ATRNL1: variants seen among roughly 807,000 people sequenced by gnomAD.
ATRNL1 encodes attractin like 1.
ATRNL1 carries 95 observed loss-of-function variants against 182.7 expected under a neutral mutation model. The ratio of observed to expected loss-of-function variants is 0.52; its 90% CI spans 0.44 to 0.62. ATRNL1 has a LOEUF of 0.62. ATRNL1 is among the 20% of genes least tolerant of loss of function. The probability of loss-of-function intolerance (pLI) is 0.00; values close to 1 mark genes in which losing one functional copy is unlikely to be tolerated. For missense variants in ATRNL1, 1,471 were observed against 1,679.5 expected (o/e 0.88, Z 2.17); for synonymous variants, 576 against 568.3 (o/e 1.01, Z -0.19).
At chr10:115,120,572 A>G (rs1844684250) in intron 2 of ATRNL1, among the ~76,000 whole-genome samples, 1 of 152,058 alleles carries the variant, frequency 6.6e-6, no homozygotes, top group Admixed American at 6.6e-5. Flanking sequence ...AGAAATTATA[A>G]AAGTATTTCT....
chr10:115,931,971 T>G (rs1953409997), intron 28 of ATRNL1, among the ~76,000 whole-genome samples: 1 of 152,134 alleles, frequency 6.6e-6, no homozygotes, highest in African/African-American at 2.4e-5. Flanking sequence ...ATCAGAAAAT[T>G]CCAGATCACT....
At chr10:115,918,143 C>A (rs1952931649) in intron 28 of ATRNL1, among the ~76,000 whole-genome samples, 1 of 2,498 alleles carries the variant, frequency 4.0e-4, no homozygotes, top group Non-Finnish European at 8.4e-4. Flanking sequence ...GCTCTGTAGC[C>A]CAGGCTGGAG....
intron 27 of ATRNL1, among the ~76,000 whole-genome samples, chr10:115,841,378 C>T (rs1555097092): frequency 6.6e-6 from 1 of 151,932 alleles, no homozygotes; most frequent in Non-Finnish European, 1.5e-5. Context: ...AATATGGGTA[C>T]ATATGAGTGT....
At chr10:115,339,537 C>T (rs1272166106) in intron 19 of ATRNL1, among the ~76,000 whole-genome samples, 1 of 152,010 alleles carries the variant, frequency 6.6e-6, no homozygotes. Flanking sequence ...AGAAATGCTA[C>T]TGATTTTTGT....
At chr10:115,432,830 A>G (rs1235120183) in intron 21 of ATRNL1, among the ~76,000 whole-genome samples, 1 of 151,940 alleles carries the variant, frequency 6.6e-6, no homozygotes, top group Non-Finnish European at 1.5e-5. Context: ...TTTTTTTCTT[A>G]AATGCTTTCT....
intron 26 of ATRNL1, among the ~76,000 whole-genome samples, chr10:115,665,447 C>G (rs559629866): frequency 2.6e-5 from 4 of 151,982 alleles, no homozygotes; most frequent in African/African-American, 4.8e-5. Flanking sequence ...AAATACAGAC[C>G]TGCGTAAGTA....
intron 26 of ATRNL1, among the ~76,000 whole-genome samples, chr10:115,556,204 C>T (rs1853305946): frequency 6.6e-6 from 1 of 152,026 alleles, no homozygotes; most frequent in African/African-American, 2.4e-5. Context: ...AAACACAGTA[C>T]TTATTCAACT....
At chr10:115,505,906 A>T (rs1554981190) in intron 24 of ATRNL1, among the ~76,000 whole-genome samples, 1 of 151,870 alleles carries the variant, frequency 6.6e-6, no homozygotes, top group Non-Finnish European at 1.5e-5. Flanking sequence ...CAAGTATCAA[A>T]CCAGAAAGGG....
chr10:115,548,301 C>T (rs930709342), intron 25 of ATRNL1, among the ~76,000 whole-genome samples: 3 of 152,196 alleles, frequency 2.0e-5, no homozygotes, highest in Admixed American at 6.5e-5. Flanking sequence ...TTGTTGTTAT[C>T]GTTGTCATTG....
chr10:115,701,376 C>G (rs1555051495), intron 26 of ATRNL1, among the ~76,000 whole-genome samples: 1 of 151,960 alleles, frequency 6.6e-6, no homozygotes, highest in Non-Finnish European at 1.5e-5. Context: ...ATTTAATTAT[C>G]TAACATCACA....
At chr10:115,864,947 A>C (rs1163027661) in intron 28 of ATRNL1, among the ~76,000 whole-genome samples, 1 of 151,106 alleles carries the variant, frequency 6.6e-6, no homozygotes, top group Non-Finnish European at 1.5e-5. Flanking sequence ...GTGCCATTGC[A>C]CTCCAGCCTG....
At chr10:115,711,270 T>C (rs782109206) in intron 26 of ATRNL1, among the ~76,000 whole-genome samples, 8 of 152,146 alleles carry the variant, frequency 5.3e-5, no homozygotes, top group Non-Finnish European at 8.8e-5. Flanking sequence ...TACATTAAGG[T>C]ATGCTGCCTC....
At chr10:115,151,071 A>G (rs1396184269) in intron 5 of ATRNL1, among the ~76,000 whole-genome samples, 1 of 152,232 alleles carries the variant, frequency 6.6e-6, no homozygotes, top group Admixed American at 6.5e-5. Context: ...TTATTGCTGC[A>G]TAGTATGCTA....
At chr10:115,403,257 C>CTTTTTTTTTTTTTTTTTTTTTTTTTTT (rs59256867) in intron 20 of ATRNL1, among the ~76,000 whole-genome samples, 20 of 107,430 alleles carry the variant, frequency 1.9e-4, no homozygotes, top group African/African-American at 9.3e-4. Flanking sequence ...TTACTCTCAT[C>CTTTTTTTTTTTTTTTTTTTTTTTTTTT]TTTTTTTTTT....
chr10:115,823,524 A>G (rs2134289317), intron 27 of ATRNL1, among the ~76,000 whole-genome samples: 1 of 152,316 alleles, frequency 6.6e-6, no homozygotes, highest in Non-Finnish European at 1.5e-5. Context: ...TATATTTAGA[A>G]AACCCCATTG....
intron 27 of ATRNL1, among the ~76,000 whole-genome samples, chr10:115,841,589 A>G (rs1297554233): frequency 6.6e-6 from 1 of 152,088 alleles, no homozygotes; most frequent in Non-Finnish European, 1.5e-5. Context: ...GTAATACTTT[A>G]TTCTCTTTGA....
At chr10:115,638,150 A>G (rs1201679674) in intron 26 of ATRNL1, among the ~76,000 whole-genome samples, 1 of 152,068 alleles carries the variant, frequency 6.6e-6, no homozygotes, top group African/African-American at 2.4e-5. Context: ...TATAGGTATG[A>G]CATTTTAAAT....
At chr10:115,420,130 G>A (rs1174736140) in intron 20 of ATRNL1, among the ~76,000 whole-genome samples, 4 of 142,452 alleles carry the variant, frequency 2.8e-5, no homozygotes, top group Non-Finnish European at 6.0e-5. Flanking sequence ...TGCAACCTCC[G>A]CCTCCCAGGT....
At chr10:115,934,333 C>A (rs1953491761) in intron 28 of ATRNL1, among the ~76,000 whole-genome samples, 1 of 152,190 alleles carries the variant, frequency 6.6e-6, no homozygotes, top group African/African-American at 2.4e-5. Context: ...ATTATAAAAT[C>A]TTCAGATTCC....
Sources: gnomAD v4.1 joint callset for allele counts (sites outside exome capture counted in the v4.1 genomes callset) on GRCh38, gnomAD v4.1.1 for gene constraint, MANE v1.5 for transcripts, NCBI Gene and HGNC (gene_info 2026-07-23, HGNC 2026-07-21) for gene names.